The following CELF4 variants were observed in gnomAD, a reference collection of about 807,000 sequenced individuals.
CELF4 encodes CUG-BP- and ETR-3-like factor 4.
Under a neutral mutation model 59.9 loss-of-function variants are expected in CELF4, and 18 were observed. That is an observed-to-expected ratio of 0.30 (90% CI 0.21 to 0.45). The LOEUF (loss-of-function observed/expected upper bound fraction) is 0.45, where lower values mean the gene tolerates loss of function less well. Among genes scored for constraint, CELF4 ranks in the 20% least tolerant of loss-of-function variants. The pLI is 1.00. For synonymous variants in CELF4, 261 were observed against 267.1 expected, an observed-to-expected ratio of 0.98 and a Z score of 0.22; for missense variants, 456 against 689.0, an observed-to-expected ratio of 0.66 and a Z score of 3.79.
At chr18:37,501,781 C>T (rs765543700) in intron 1 of CELF4, among the ~76,000 whole-genome samples, 3 of 152,260 alleles carry the variant, frequency 2.0e-5, no homozygotes, top group Non-Finnish European at 4.4e-5. Context: ...GTGTGGGACT[C>T]GGAGGAGCAG....
Position 37,273,142 on chromosome 18 carries a change from G to T in CELF4, c.823C>A (p.Leu275Met). The T allele has an allele frequency of 6.2e-7, 1 of 1,610,662 alleles. No individual in the cohort carries two copies. The highest frequency in any genetic ancestry group is 8.5e-7 in the Non-Finnish European group (1 of 1,177,294). ...AQALMQQQAA[L>M]MASVAQGGYL... ...CCGCCCTGCGCGACTGATGCCATCAGGGCCGCTTGCTGCTGCATCAGCTGG... is the reference window on the plus strand; with the variant it reads ...CCGCCCTGCGCGACTGATGCCATCATGGCCGCTTGCTGCTGCATCAGCTGG... Residue 275 changes from leucine to methionine, a missense_variant, in exon 7 of 13, where the codon CTG becomes ATG. Around this residue, in one of 7 missense-constraint regions of CELF4, gnomAD observed 256 missense variants for 340.8 expected, o/e 0.75. Transcript: ENST00000420428.
chr18:37,312,106 G>C (rs111894673), intron 3 of CELF4, among the ~76,000 whole-genome samples: 22,847 of 104,540 alleles, frequency 0.22, 2,531 homozygotes, highest in Middle Eastern at 0.37. Flanking sequence ...GCGAGATTCC[G>C]TCTCAAAAAA....
chr18:37,257,041 T>A (rs962446462), intron 11 of CELF4, among the ~76,000 whole-genome samples: 1 of 152,098 alleles, frequency 6.6e-6, no homozygotes, highest in Non-Finnish European at 1.5e-5. Flanking sequence ...ATCAGAAATT[T>A]GTTCAAGAGA....
intron 2 of CELF4, among the ~76,000 whole-genome samples, chr18:37,450,191 T>C (rs2099759265): frequency 6.6e-6 from 1 of 152,032 alleles, no homozygotes; most frequent in African/African-American, 2.4e-5. Flanking sequence ...TGGGAGTACA[T>C]GTGGGTATAT....
chr18:37,277,947 T>C (rs2093595197), intron 3 of CELF4, among the ~76,000 whole-genome samples: 3 of 152,222 alleles, frequency 2.0e-5, no homozygotes, highest in African/African-American at 7.2e-5. Context: ...TTGATTTACA[T>C]GCGGAGACTG....
At chr18:37,443,735 G>A (rs2099739906) in intron 2 of CELF4, among the ~76,000 whole-genome samples, 1 of 152,084 alleles carries the variant, frequency 6.6e-6, no homozygotes, top group African/African-American at 2.4e-5. Flanking sequence ...TCTGTGTCGG[G>A]GCTGGGGGTG....
Sources: allele counts gnomAD v4.1 joint callset (sites outside exome capture counted in the v4.1 genomes callset), GRCh38; gene constraint gnomAD v4.1.1; regional missense constraint gnomAD v4.1.1; transcripts MANE v1.5; gene names NCBI Gene and HGNC (gene_info 2026-07-23, HGNC 2026-07-21).